The following CCDC69 variants were observed in gnomAD, a reference collection of about 807,000 sequenced individuals.
CCDC69 encodes the protein coiled-coil domain containing 69.
A neutral mutation model predicts 40.3 loss-of-function variants in CCDC69; 38 were observed. That is an observed-to-expected ratio of 0.94 (90% CI 0.73 to 1.24). The LOEUF (loss-of-function observed/expected upper bound fraction) is 1.24, where lower values mean the gene tolerates loss of function less well. CCDC69 is among the 50% of genes most tolerant of loss of function. The pLI is 0.00. For missense variants in CCDC69, 389 were observed against 357.9 expected, an observed-to-expected ratio of 1.09 and a Z score of -0.70; for synonymous variants, 141 against 138.9, an observed-to-expected ratio of 1.02 and a Z score of -0.11.
chr5:151,217,693 CTG>C (rs1753069170), intron 1 of CCDC69, among the ~76,000 whole-genome samples: 1 of 152,160 alleles, frequency 6.6e-6, no homozygotes, highest in Non-Finnish European at 1.5e-5. Context: ...GCTCTTCTCC[CTG>C]TGTGTCTGTG....
intron 4 of CCDC69, 54 bp from the exon 5 acceptor site, chr5:151,187,513 T>TA (rs1561598031): frequency 6.6e-7 from 1 of 1,505,912 alleles, no homozygotes; most frequent in African/African-American, 1.4e-5. Flanking sequence ...CAAAGCCTTC[T>TA]GCAGGCCCCT....
Position 151,183,362 on chromosome 5 carries a change from T to G in CCDC69, c.*75A>C, listed in dbSNP as rs1204206594. On this transcript the variant is annotated 3_prime_UTR_variant, in exon 9 of 9. Coordinates refer to ENST00000355417, the MANE Select transcript of CCDC69 (RefSeq NM_015621.3). ...CCTTCCTGGAAAAGAACTGAGAGGCTCCTGCTGTCTTCTCCAGAAAAACCT... is the reference window on the plus strand; with the variant it reads ...CCTTCCTGGAAAAGAACTGAGAGGCGCCTGCTGTCTTCTCCAGAAAAACCT... 1.3e-6 allele frequency: 2 copies of G among 1,481,804 alleles called. No homozygotes were observed. The highest frequency in any genetic ancestry group is 2.4e-5 in the South Asian group (2 of 83,128). 91.8% of individuals were successfully genotyped at this position (1,481,804 alleles called of 1,614,324 possible).
At chr5:151,215,715 C>A in intron 1 of CCDC69, 2 of 332,986 alleles carry the variant, frequency 6.0e-6, no homozygotes, top group South Asian at 2.0e-5. Flanking sequence ...AGAGCTCAGC[C>A]ATCTCCCAAG....
At chr5:151,198,637 A>C (rs1048915968) in intron 4 of CCDC69, among the ~76,000 whole-genome samples, 1 of 152,252 alleles carries the variant, frequency 6.6e-6, no homozygotes, top group Non-Finnish European at 1.5e-5. Flanking sequence ...AAAATAATCA[A>C]TCTAACAATA....
At chr5:151,216,103 C>T (rs558737591) in intron 1 of CCDC69, among the ~76,000 whole-genome samples, 38 of 152,306 alleles carry the variant, frequency 2.5e-4, no homozygotes, top group Non-Finnish European at 4.9e-4. Context: ...GGACTACAGG[C>T]ATGTGCCACC....
intron 2 of CCDC69, 64 bp from the exon 3 acceptor site, chr5:151,201,752 C>T: frequency 1.9e-6 from 2 of 1,066,426 alleles, no homozygotes; most frequent in Non-Finnish European, 2.8e-6. Context: ...ACAGTCAGAG[C>T]TGGCAGAGAG....
At chr5:151,196,401 C>A (rs1732333689) in intron 4 of CCDC69, among the ~76,000 whole-genome samples, 2 of 152,246 alleles carry the variant, frequency 1.3e-5, no homozygotes, top group East Asian at 1.9e-4. Context: ...TTGTGATACA[C>A]CCGCCTCGGC....
chr5:151,185,574 G>C (rs751654893), intron 6 of CCDC69, 33 bp from the exon 7 acceptor site: 2 of 1,607,534 alleles, frequency 1.2e-6, no homozygotes, highest in South Asian at 2.2e-5. Context: ...CATTAGGCCA[G>C]TAGGCTACCT....
Position 151,203,876 on chromosome 5 carries a change from G to A in CCDC69, c.124+1524C>T, listed in dbSNP as rs189210633. ...ATAGTATATATATAAAATATATATC[G>A]TATATATAGTATATATATAAAATAT... On this transcript the variant is annotated intron_variant, in intron 2 of 8. Transcript: ENST00000355417. Among the ~76,000 whole-genome samples the A allele has an allele frequency of 4.6e-4, 61 of 131,792 alleles. No homozygotes were observed. The East Asian group carries it at 8.6e-3, about 19-fold the overall frequency. 86.5% of individuals were successfully genotyped at this position (131,792 alleles called of 152,430 possible). A position where few individuals can be genotyped will look rare whatever the true frequency, so the allele number is the denominator to read the frequency against.
chr5:151,212,563 G>C (rs1041269376), intron 1 of CCDC69, among the ~76,000 whole-genome samples: 3 of 152,196 alleles, frequency 2.0e-5, no homozygotes, highest in African/African-American at 4.8e-5. Context: ...CATGAGCTCA[G>C]ATTGGGGCTG....
rs558335881 is a variant in CCDC69 at position 151,195,650 on chromosome 5, C to T, written c.319+3347G>A. Among the ~76,000 whole-genome samples, 8 of 131,824 alleles carry T rather than the reference C, an allele frequency of 6.1e-5. No individual in the cohort carries two copies. In the South Asian group the frequency reaches 2.1e-3, roughly 34 times the overall value. 86.5% of individuals were successfully genotyped at this position (131,824 alleles called of 152,430 possible). On this transcript the variant is annotated intron_variant, in intron 4 of 8. Transcript: ENST00000355417. The stretch of plus-strand genomic sequence containing the variant: ...AGAAGAATCACTTGAACCCGGGAGG[C>T]GGAGGTTACAGTGAACCGAGATCAT...
At chr5:151,187,188 C>G (rs1752532705) in intron 5 of CCDC69, among the ~76,000 whole-genome samples, 198 bp downstream of exon 5, 1 of 152,234 alleles carries the variant, frequency 6.6e-6, no homozygotes, top group Non-Finnish European at 1.5e-5. Context: ...ATAGGCCCAA[C>G]TCAATTTCAC....
intron 4 of CCDC69, among the ~76,000 whole-genome samples, chr5:151,193,795 G>A (rs1157466463): frequency 2.0e-5 from 3 of 152,022 alleles, no homozygotes; most frequent in African/African-American, 7.2e-5. Context: ...ATTATTAACA[G>A]AATGAAAAAA....
intron 4 of CCDC69, among the ~76,000 whole-genome samples, chr5:151,192,816 G>C (rs147336001): frequency 6.6e-6 from 1 of 152,118 alleles, no homozygotes; most frequent in Non-Finnish European, 1.5e-5. Context: ...CAACCAAGTG[G>C]AGCTTATGCC....
At chr5:151,185,657 G>A (rs1752496976) in intron 6 of CCDC69, 116 bp from the exon 7 acceptor site, 4 of 1,070,510 alleles carry the variant, frequency 3.7e-6, no homozygotes, top group Non-Finnish European at 4.2e-6. Context: ...CTCAGCCCAT[G>A]TTAAGTGTTT....
At position 151,182,966 on chromosome 5, in the gene CCDC69, G is replaced by A. The variant is rs964004981; in HGVS notation, c.*471C>T. 11 of 449,450 alleles carry A rather than the reference G, an allele frequency of 2.4e-5. No individual in the cohort carries two copies. The allele number at this position is 449,450 out of a possible 1,614,324, so 27.8% of individuals were successfully genotyped here. A position where few individuals can be genotyped will look rare whatever the true frequency, so the allele number is the denominator to read the frequency against. On this transcript the variant is annotated 3_prime_UTR_variant, in exon 9 of 9. Transcript: ENST00000355417. ...CAGTGACATAAGAGTCCTTTGACCA[G>A]TCCCCCCACCATTTTAATGCAGGGG... is the stretch of plus-strand genomic sequence containing the variant.
rs770398443 is a variant in CCDC69 at position 151,201,733 on chromosome 5, A to G, written c.125-45T>C. 13 of 1,303,848 alleles carry G rather than the reference A, an allele frequency of 1.0e-5. No homozygotes were observed. The Admixed American group carries it at 2.2e-4, about 22-fold the overall frequency. The allele number at this position is 1,303,848 out of a possible 1,614,324, so 80.8% of individuals were successfully genotyped here. On this transcript the variant is annotated intron_variant, in intron 2 of 8. Coordinates refer to ENST00000355417, the MANE Select transcript of CCDC69 (RefSeq NM_015621.3). ...AAAATAAAAATAAAAAAACTCACAG[A>G]GTGGAAGTACAGTCAGAGCTGGCAG...
At position 151,199,061 on chromosome 5, in the gene CCDC69, C is replaced by A. The variant is rs758940663; in HGVS notation, c.255G>T (p.Glu85Asp). 2.5e-6 allele frequency: 4 copies of A among 1,614,076 alleles called. No individual in the cohort carries two copies. The East Asian group carries it at 8.9e-5, about 36-fold the overall frequency. ...AQQVEKERELELRDRLDEQQR... is the reference protein window; with the variant it reads ...AQQVEKERELDLRDRLDEQQR... ...GCTGCTCATCCAGTCTGTCTCGAAG[C>A]TCTAGCTCCCTTTCCTTCTCCACCT... Residue 85 changes from glutamate to aspartate, a missense_variant, in exon 4 of 9, where the codon GAG becomes GAT. By Grantham distance (45) the Glu-to-Asp change is conservative. Coordinates refer to ENST00000355417, the MANE Select transcript of CCDC69 (RefSeq NM_015621.3).
chr5:151,198,958 C>G (rs1231854290), intron 4 of CCDC69, 39 bp downstream of exon 4: 3 of 1,521,256 alleles, frequency 2.0e-6, no homozygotes, highest in South Asian at 2.2e-5. Context: ...AAGGAAGCAC[C>G]CCCCACCACC....
Sources: allele counts gnomAD v4.1 joint callset (sites outside exome capture counted in the v4.1 genomes callset), GRCh38; gene constraint gnomAD v4.1.1; transcripts MANE v1.5; gene names NCBI Gene and HGNC (gene_info 2026-07-23, HGNC 2026-07-21).